MGLL: variants seen among roughly 807,000 people sequenced by gnomAD.
The protein encoded by MGLL is lysophospholipase homolog.
Under a neutral mutation model 29.1 loss-of-function variants are expected in MGLL, and 7 were observed. That is an observed-to-expected ratio of 0.24 (90% CI 0.14 to 0.45). MGLL has a LOEUF of 0.45. Among genes scored for constraint, MGLL ranks in the 20% least tolerant of loss-of-function variants. The pLI is 0.99. For synonymous variants in MGLL, 148 were observed against 168.3 expected (o/e 0.88, Z 0.93); for missense variants, 356 against 413.6 (o/e 0.86, Z 1.21).
At chr3:127,786,743 C>G (rs1002540234) in intron 2 of MGLL, among the ~76,000 whole-genome samples, 2 of 152,202 alleles carry the variant, frequency 1.3e-5, no homozygotes, top group African/African-American at 4.8e-5. Context: ...TGGGGATAAT[C>G]CTAACACCAC....
intron 3 of MGLL, among the ~76,000 whole-genome samples, chr3:127,746,865 G>T (rs1158874338): frequency 6.6e-6 from 1 of 152,064 alleles, no homozygotes; most frequent in African/African-American, 2.4e-5. Flanking sequence ...ATGGGCCTGG[G>T]GAGGAGATAA....
chr3:127,729,865 A>G (rs2076116871), intron 3 of MGLL, among the ~76,000 whole-genome samples: 1 of 152,214 alleles, frequency 6.6e-6, no homozygotes, highest in Non-Finnish European at 1.5e-5. Flanking sequence ...CATCACTCCC[A>G]TGCTTTGACT....
chr3:127,803,316 C>T (rs867188719), intron 2 of MGLL, among the ~76,000 whole-genome samples: 42 of 152,148 alleles, frequency 2.8e-4, no homozygotes, highest in African/African-American at 9.2e-4. Context: ...CGGGGAGGGC[C>T]TTTGTTTGCT....
intron 3 of MGLL, among the ~76,000 whole-genome samples, chr3:127,770,548 G>A (rs776318339): frequency 2.6e-5 from 4 of 152,096 alleles, no homozygotes; most frequent in Admixed American, 6.5e-5. Context: ...AGAAAGAACC[G>A]AGATGGCAGG....
intron 2 of MGLL, among the ~76,000 whole-genome samples, chr3:127,811,918 A>G (rs887561341): frequency 1.1e-4 from 16 of 152,230 alleles, no homozygotes; most frequent in Non-Finnish European, 1.5e-5. Context: ...CAGAAGACCC[A>G]TCCAGCTGAG....
chr3:127,732,596 G>A (rs1225095621), intron 3 of MGLL, among the ~76,000 whole-genome samples: 1 of 152,238 alleles, frequency 6.6e-6, no homozygotes, highest in East Asian at 1.9e-4. Context: ...CTTGTGCCTA[G>A]AGCTGCTCAC....
intron 2 of MGLL, among the ~76,000 whole-genome samples, chr3:127,798,650 C>T (rs1412109146): frequency 3.3e-5 from 5 of 152,230 alleles, no homozygotes; most frequent in Non-Finnish European, 7.3e-5. Flanking sequence ...CAGTTTCCCC[C>T]ACTCAAATCT....
At chr3:127,769,757 G>A (rs1325339352) in intron 3 of MGLL, among the ~76,000 whole-genome samples, 1 of 152,236 alleles carries the variant, frequency 6.6e-6, no homozygotes, top group Non-Finnish European at 1.5e-5. Context: ...GGCACATAGT[G>A]AGTTTCAATA....
chr3:127,812,451 G>A (rs1168601718), intron 2 of MGLL, among the ~76,000 whole-genome samples: 1 of 152,096 alleles, frequency 6.6e-6, no homozygotes, highest in East Asian at 1.9e-4. Context: ...TTCATTTGAA[G>A]AAACAAAAAA....
intron 3 of MGLL, among the ~76,000 whole-genome samples, chr3:127,746,316 G>A (rs640262): frequency 0.39 from 59,142 of 151,884 alleles, 11,752 homozygotes; most frequent in Middle Eastern, 0.55. Context: ...CAAGCTGTTC[G>A]TGGCTCCTGG....
intron 6 of MGLL, among the ~76,000 whole-genome samples, chr3:127,701,869 A>G (rs1382681062): frequency 6.6e-6 from 1 of 152,116 alleles, no homozygotes; most frequent in Non-Finnish European, 1.5e-5. Flanking sequence ...CCTTCTCTTC[A>G]AAGCCCAGGT....
At chr3:127,734,222 G>A (rs2076203807) in intron 3 of MGLL, among the ~76,000 whole-genome samples, 1 of 152,242 alleles carries the variant, frequency 6.6e-6, no homozygotes, top group African/African-American at 2.4e-5. Flanking sequence ...CGCAACATGT[G>A]TTACCCAAAA....
intron 2 of MGLL, among the ~76,000 whole-genome samples, chr3:127,820,146 A>G (rs1180863551): frequency 6.6e-6 from 1 of 152,224 alleles, no homozygotes; most frequent in African/African-American, 2.4e-5. Flanking sequence ...AACTGCCTCA[A>G]CCATCCACCT....
chr3:127,737,534 C>T (rs1284774754), intron 3 of MGLL, among the ~76,000 whole-genome samples: 2 of 150,950 alleles, frequency 1.3e-5, no homozygotes, highest in Non-Finnish European at 1.5e-5. Context: ...ACCAAAGCGG[C>T]CCTGTATTCT....
intron 3 of MGLL, among the ~76,000 whole-genome samples, chr3:127,739,034 T>G (rs898606146): frequency 6.6e-6 from 1 of 152,224 alleles, no homozygotes; most frequent in Non-Finnish European, 1.5e-5. Flanking sequence ...CCAGGTGGAA[T>G]GAAGGAAATG....
intron 2 of MGLL, among the ~76,000 whole-genome samples, chr3:127,812,352 TTTC>T (rs1382570927): frequency 7.9e-5 from 12 of 152,258 alleles, no homozygotes; most frequent in African/African-American, 2.9e-4. Flanking sequence ...TCCTTGTGGC[TTTC>T]TTGTTTTGTT....
At chr3:127,806,654 T>G (rs2077571417) in intron 2 of MGLL, among the ~76,000 whole-genome samples, 1 of 151,948 alleles carries the variant, frequency 6.6e-6, no homozygotes, top group African/African-American at 2.4e-5. Flanking sequence ...AATGGATGTA[T>G]GGATGGGTAG....
At chr3:127,747,844 T>C (rs910724832) in intron 3 of MGLL, among the ~76,000 whole-genome samples, 20 of 152,066 alleles carry the variant, frequency 1.3e-4, no homozygotes, top group African/African-American at 3.6e-4. Context: ...GTCCCTGGGG[T>C]GGCTCCCAGA....
chr3:127,735,742 C>T (rs780076929), intron 3 of MGLL: 18 of 1,598,160 alleles, frequency 1.1e-5, no homozygotes, highest in South Asian at 5.5e-5. Context: ...GCTCGCTCCC[C>T]GCCTTCTCCC....
Sources: gnomAD v4.1 joint callset for allele counts (sites outside exome capture counted in the v4.1 genomes callset) on GRCh38, gnomAD v4.1.1 for gene constraint, MANE v1.5 for transcripts, NCBI Gene and HGNC (gene_info 2026-07-23, HGNC 2026-07-21) for gene names.